The following SLC16A6 variants were observed in gnomAD, a reference collection of about 807,000 sequenced individuals.
SLC16A6 encodes the protein solute carrier family 16 member 6, also known as monocarboxylate transporter 7.
SLC16A6 carries 15 observed loss-of-function variants against 33.8 expected under a neutral mutation model. The ratio of observed to expected loss-of-function variants is 0.44; its 90% confidence interval spans 0.30 to 0.68. The LOEUF is 0.68. Among genes scored for constraint, SLC16A6 ranks in the 30% least tolerant of loss-of-function variants. The probability of loss-of-function intolerance (pLI) is 0.10; values close to 1 mark genes in which losing one functional copy is unlikely to be tolerated. For missense variants in SLC16A6, 451 were observed against 661.5 expected, an observed-to-expected ratio of 0.68 and a Z score of 3.49; for synonymous variants, 219 against 248.4, an observed-to-expected ratio of 0.88 and a Z score of 1.11.
intron 2 of SLC16A6, among the ~76,000 whole-genome samples, chr17:68,274,866 C>T (rs2075461174): frequency 6.7e-6 from 1 of 150,122 alleles, no homozygotes; most frequent in African/African-American, 2.5e-5. Context: ...CTGCAACCTC[C>T]ACCTCCTGGG....
intron 2 of SLC16A6, among the ~76,000 whole-genome samples, chr17:68,276,037 G>T (rs2075506795): frequency 6.6e-6 from 1 of 151,852 alleles, no homozygotes; most frequent in Admixed American, 6.6e-5. Flanking sequence ...AACCAGGAAT[G>T]ACTTCATGAA....
chr17:68,283,297 A>G (rs2075755905), intron 1 of SLC16A6, among the ~76,000 whole-genome samples: 1 of 151,122 alleles, frequency 6.6e-6, no homozygotes, highest in South Asian at 2.1e-4. Context: ...GAGGCAGGCG[A>G]ATCACGAGGT....
At chr17:68,284,103 CAAAAAA>C (rs1189737736) in intron 1 of SLC16A6, among the ~76,000 whole-genome samples, 3 of 56,516 alleles carry the variant, frequency 5.3e-5, no homozygotes, top group African/African-American at 1.9e-4. Context: ...GACTCTGTCT[CAAAAAA>C]AAAAAAAAAA....
chr17:68,285,130 A>G (rs534971827), intron 1 of SLC16A6, among the ~76,000 whole-genome samples: 1 of 152,336 alleles, frequency 6.6e-6, no homozygotes, highest in South Asian at 2.1e-4. Flanking sequence ...TCCTATGTAA[A>G]TGATTCAACC....
rs559205384 is a variant in SLC16A6 at position 68,278,117 on chromosome 17, T to G, written c.204A>C (p.Ser68=). The stretch of plus-strand genomic sequence containing the variant: ...AAAATGTTAAGACAAACACACAGAT[T>G]GAGATTATCCATGAGATCCTGCTAT... ...ESNSRISWII[S]ICVFVLTFSA... The change falls in exon 2 of 6, where the codon TCA becomes TCC. Residue 68 remains serine, a synonymous_variant. Coordinates refer to ENST00000580666, the MANE Select transcript of SLC16A6 (RefSeq NM_004694.5). The G allele has an allele frequency of 1.2e-5, 19 of 1,613,670 alleles. No individual in the cohort carries two copies. The East Asian group carries it at 2.7e-4, about 23-fold the overall frequency.
chr17:68,291,025 A>G (rs149219175), intron 1 of SLC16A6, 61 bp downstream of exon 1: 1 of 152,360 alleles, frequency 6.6e-6, no homozygotes, highest in Non-Finnish European at 1.5e-5. Flanking sequence ...CATATTTTTT[A>G]AAAAACAACC....
At chr17:68,282,374 G>T (rs2075721170) in intron 1 of SLC16A6, among the ~76,000 whole-genome samples, 2 of 151,924 alleles carry the variant, frequency 1.3e-5, no homozygotes, top group Admixed American at 1.3e-4. Flanking sequence ...AAGGGGGAGG[G>T]ATAGCATTAG....
In SLC16A6 at chr17:68,269,456, C is replaced by T. The variant is rs1194683295; in HGVS notation, c.1322-110G>A. On this transcript the variant is annotated intron_variant, in intron 5 of 5. Transcript: ENST00000580666. ...TCAGTTTCACTGCCTTCCTTGTTTT[C>T]TTTTGTGTTTCTAAAGAAAAATGGG... 5 of 1,233,240 alleles carry T rather than the reference C, an allele frequency of 4.1e-6. 1 individual carries two copies. In the Admixed American group the frequency reaches 1.3e-4, roughly 33 times the overall value. The allele number at this position is 1,233,240 out of a possible 1,614,324, so 76.4% of individuals were successfully genotyped here. A position where few individuals can be genotyped will look rare whatever the true frequency, so the allele number is the denominator to read the frequency against.
chr17:68,283,833 G>A (rs1227454463), intron 1 of SLC16A6, among the ~76,000 whole-genome samples: 5 of 138,358 alleles, frequency 3.6e-5, no homozygotes, highest in Admixed American at 2.4e-4. Context: ...AGCCGAGATC[G>A]TGCTATTGCA....
At chr17:68,283,986 G>C (rs1325514103) in intron 1 of SLC16A6, among the ~76,000 whole-genome samples, 3 of 151,498 alleles carry the variant, frequency 2.0e-5, no homozygotes, top group Non-Finnish European at 4.4e-5. Flanking sequence ...AGCTACCCAG[G>C]AGGCTGAGGC....
At chr17:68,274,834 G>A (rs1237823618) in intron 2 of SLC16A6, among the ~76,000 whole-genome samples, 1 of 151,194 alleles carries the variant, frequency 6.6e-6, no homozygotes, top group Non-Finnish European at 1.5e-5. Flanking sequence ...AGGCTGGAGT[G>A]CAGTGGTGTG....
At chr17:68,277,556 A>G (rs1555751400) in intron 2 of SLC16A6, among the ~76,000 whole-genome samples, 1 of 152,142 alleles carries the variant, frequency 6.6e-6, no homozygotes, top group African/African-American at 2.4e-5. Flanking sequence ...CAGCCTCCCA[A>G]GTACTGAGGA....
chr17:68,291,262 C>G (rs2075976379), upstream of SLC16A6: 1 of 150,856 alleles, frequency 6.6e-6, no homozygotes, highest in African/African-American at 2.4e-5. Context: ...GGGCCCTCCA[C>G]CCACTCCCGC....
At chr17:68,276,443 C>G (rs2075524022) in intron 2 of SLC16A6, among the ~76,000 whole-genome samples, 1 of 151,846 alleles carries the variant, frequency 6.6e-6, no homozygotes. Flanking sequence ...GCCTGGTTAA[C>G]TTTCTTTATT....
rs1182514394 is a variant in SLC16A6, at chr17:68,267,271, G to A, written c.*1825C>T. On this transcript the variant is annotated 3_prime_UTR_variant, in exon 6 of 6. Transcript: ENST00000580666. The stretch of plus-strand genomic sequence containing the variant: ...GAACATTCATAGTAAAAAATATGTC[G>A]TAAAGTGCTGAAGTCATGTAAGTCT... The A allele has an allele frequency of 1.3e-5, 2 of 152,108 alleles. No individual in the cohort carries two copies. Among genetic ancestry groups the A allele is most frequent in the Admixed American group, 6.5e-5 (1 of 15,268 alleles). 9.4% of individuals were successfully genotyped at this position (152,108 alleles called of 1,614,324 possible).
chr17:68,275,876 G>A (rs1162908471), intron 2 of SLC16A6, among the ~76,000 whole-genome samples: 4 of 151,522 alleles, frequency 2.6e-5, no homozygotes, highest in Admixed American at 1.3e-4. Context: ...CCAGCTACTC[G>A]GGAGGCTAAG....
intron 5 of SLC16A6, among the ~76,000 whole-genome samples, chr17:68,269,673 GTTTTT>G (rs782421181): frequency 6.4e-5 from 5 of 77,912 alleles, no homozygotes; most frequent in African/African-American, 3.7e-4. Context: ...TTCACTTTAG[GTTTTT>G]TTTTTTTTTT....
chr17:68,288,142 G>A (rs1428635741), intron 1 of SLC16A6, among the ~76,000 whole-genome samples: 8 of 151,514 alleles, frequency 5.3e-5, no homozygotes, highest in African/African-American at 1.7e-4. Flanking sequence ...GATTAAAGGC[G>A]CATGCCACCA....
chr17:68,275,959 G>A (rs2075502925), intron 2 of SLC16A6, among the ~76,000 whole-genome samples: 1 of 151,258 alleles, frequency 6.6e-6, no homozygotes, highest in Non-Finnish European at 1.5e-5. Flanking sequence ...CTCCAGCCTA[G>A]GCAACAAAGC....
Sources: gnomAD v4.1 joint callset for allele counts (sites outside exome capture counted in the v4.1 genomes callset) on GRCh38, gnomAD v4.1.1 for gene constraint, MANE v1.5 for transcripts, NCBI Gene and HGNC (gene_info 2026-07-23, HGNC 2026-07-21) for gene names.